Variants in STEAP1B observed in about 807,000 individuals in gnomAD.
STEAP1B encodes STEAP family member 1B, also known as STEAP family protein MGC87042.
A neutral mutation model predicts 27.9 loss-of-function variants in STEAP1B; 13 were observed. The observed-to-expected ratio is 0.47, with a 90% CI of 0.30 to 0.74. The LOEUF (loss-of-function observed/expected upper bound fraction) is 0.74, where lower values mean the gene tolerates loss of function less well. Among genes scored for constraint, STEAP1B ranks in the 30% least tolerant of loss-of-function variants. STEAP1B has a pLI of 0.06. For synonymous variants in STEAP1B, 86 were observed against 107.1 expected (o/e 0.80, Z 1.22); for missense variants, 250 against 298.7 (o/e 0.84, Z 1.20).
At chr7:22,474,384 C>T (rs112029095) in intron 4 of STEAP1B, among the ~76,000 whole-genome samples, 1,877 of 152,200 alleles carry the variant, frequency 0.012, 14 homozygotes, top group Middle Eastern at 0.031. Context: ...GAGATATGGC[C>T]GGGACATTCT....
intron 4 of STEAP1B, among the ~76,000 whole-genome samples, chr7:22,447,084 T>G (rs1326174500): frequency 6.6e-6 from 1 of 152,226 alleles, no homozygotes; most frequent in African/African-American, 2.4e-5. Flanking sequence ...TGAGCACTCT[T>G]GATGTTAAAG....
rs754922991 is a variant in STEAP1B, at chr7:22,419,801, C to A, written c.*3G>T. The A allele has an allele frequency of 3.2e-5, 49 of 1,549,676 alleles. No homozygotes were observed. The highest frequency in any genetic ancestry group is 4.1e-5 in the African/African-American group (3 of 72,958). ...TTTCCTCTCATGTTACTGGCAGGAT[C>A]TGTCACAAGGTCAGGAAGTTGATCC... On this transcript the variant is annotated 3_prime_UTR_variant, in exon 5 of 5. Transcript: ENST00000678116.
chr7:22,491,753 A>G (rs1172411066), intron 4 of STEAP1B, among the ~76,000 whole-genome samples: 2 of 152,174 alleles, frequency 1.3e-5, no homozygotes, highest in Non-Finnish European at 2.9e-5. Context: ...AATGCCAGGT[A>G]AGGACTAAGG....
Position 22,493,815 on chromosome 7 carries a change from T to G in STEAP1B, c.106A>C (p.Ser36Arg). The G allele has an allele frequency of 6.2e-7, 1 of 1,611,714 alleles. No homozygotes were observed. Among genetic ancestry groups the G allele is most frequent in the South Asian group, 1.1e-5 (1 of 90,998 alleles). ...AAAAGCACAGGTCTTTTTAGCATGC[T>G]GGTCTCTCCCGTGTCCTCATGCTAC... ...DYLHEDTGET[S>R]MLKRPVLLHL... is the part of the protein sequence containing the mutation. The change falls in exon 3 of 5, where the codon AGC becomes CGC. Residue 36 changes from serine to arginine, a missense_variant. Physicochemically the swap from Ser to Arg is moderately radical, Grantham distance 110. Coordinates refer to ENST00000678116, the MANE Select transcript of STEAP1B (RefSeq NM_001382447.1).
In STEAP1B at chr7:22,492,527, A is replaced by G. The variant is rs759098941; in HGVS notation, c.762+38T>C. The G allele has an allele frequency of 2.6e-6, 4 of 1,530,534 alleles. No homozygotes were observed. In the Admixed American group the frequency reaches 6.4e-5, roughly 25 times the overall value. The allele number at this position is 1,530,534 out of a possible 1,614,324, so 94.8% of individuals were successfully genotyped here. ...TATTCTATATCATAAACACAAAAAG[A>G]AGATTTACCTCTTAGGGTTATTTTA... is the stretch of plus-strand genomic sequence containing the variant. On this transcript the variant is annotated intron_variant, in intron 4 of 4. Transcript: ENST00000678116.
At chr7:22,487,704 T>TGAGGCAGGGGAAATCACTTGAACCTGG (rs1786236602) in intron 4 of STEAP1B, among the ~76,000 whole-genome samples, 1 of 148,528 alleles carries the variant, frequency 6.7e-6, no homozygotes, top group African/African-American at 2.5e-5. Context: ...CTCTGGAGGC[T>TGAGGCAGGGGAAATCACTTGAACCTGG]GAGGCAGGGG....
intron 4 of STEAP1B, among the ~76,000 whole-genome samples, chr7:22,466,964 G>C (rs1785795780): frequency 6.6e-6 from 1 of 152,240 alleles, no homozygotes; most frequent in Admixed American, 6.5e-5. Context: ...CAGGGCTGCT[G>C]TAAGTACTAT....
chr7:22,442,870 A>G (rs1325016085), intron 4 of STEAP1B, among the ~76,000 whole-genome samples: 2 of 152,176 alleles, frequency 1.3e-5, no homozygotes, highest in African/African-American at 2.4e-5. Flanking sequence ...TGCCCCCTGG[A>G]TGGAAGGAAC....
intron 4 of STEAP1B, among the ~76,000 whole-genome samples, chr7:22,428,727 C>A (rs1055488276): frequency 6.6e-6 from 1 of 151,902 alleles, no homozygotes; most frequent in Non-Finnish European, 1.5e-5. Context: ...CACTTAAACT[C>A]GGGAGGGGGA....
chr7:22,442,896 ATCACTT>A (rs1785355465), intron 4 of STEAP1B, among the ~76,000 whole-genome samples: 1 of 152,164 alleles, frequency 6.6e-6, no homozygotes, highest in Non-Finnish European at 1.5e-5. Context: ...ATGAGAAGAC[ATCACTT>A]GGAGAAGAAA....
intron 4 of STEAP1B, among the ~76,000 whole-genome samples, chr7:22,471,748 T>C (rs1450881234): frequency 2.0e-5 from 3 of 151,918 alleles, no homozygotes; most frequent in Non-Finnish European, 4.4e-5. Flanking sequence ...CAAAATATTT[T>C]AAAAGTTAGC....
In STEAP1B at chr7:22,463,353, T is replaced by C. The variant is rs184249718; in HGVS notation, c.762+29212A>G. On this transcript the variant is annotated intron_variant, in intron 4 of 4. Transcript: ENST00000678116. ...ATTCCATGCTCATGGGTAGGAAGAA[T>C]CAATATCATGAAAATGGCCATACTG... is the stretch of plus-strand genomic sequence containing the variant. 2.0e-5 allele frequency among the ~76,000 whole-genome samples: 3 copies of C among 152,112 alleles called. No homozygotes were observed. The East Asian group carries it at 5.8e-4, about 29-fold the overall frequency.
Position 22,466,489 on chromosome 7 carries a change from T to C in STEAP1B, c.762+26076A>G, listed in dbSNP as rs1785786163. Among the ~76,000 whole-genome samples, 4 of 151,946 alleles carry C rather than the reference T, an allele frequency of 2.6e-5. 1 individual carries two copies. In the South Asian group the frequency reaches 8.3e-4, roughly 32 times the overall value. On this transcript the variant is annotated intron_variant, in intron 4 of 4. Transcript: ENST00000678116. ...TGTGATGAGGCAGCAAGAGAGGGGC[T>C]GTGTACAAGCCTGGAACAGATTCTT...
intron 4 of STEAP1B, among the ~76,000 whole-genome samples, chr7:22,446,334 C>A (rs540518197): frequency 2.6e-5 from 4 of 152,220 alleles, no homozygotes; most frequent in Non-Finnish European, 5.9e-5. Context: ...GACAGGACTG[C>A]GCTTTGCAAG....
intron 4 of STEAP1B, among the ~76,000 whole-genome samples, chr7:22,473,575 C>A (rs146678990): frequency 2.0e-5 from 3 of 152,186 alleles, no homozygotes; most frequent in African/African-American, 7.2e-5. Context: ...TTAGGAGACA[C>A]GTTGAGTTTT....
chr7:22,480,864 C>T (rs1036982206), intron 4 of STEAP1B, among the ~76,000 whole-genome samples: 8 of 152,202 alleles, frequency 5.3e-5, no homozygotes, highest in African/African-American at 1.9e-4. Flanking sequence ...AAGCCCCATA[C>T]TCAAGAAACA....
chr7:22,438,314 G>A (rs753795800), intron 4 of STEAP1B: 26 of 738,130 alleles, frequency 3.5e-5, no homozygotes, highest in Admixed American at 6.1e-5. Context: ...GCAGTTTTTC[G>A]CACTTGTCCC....
intron 1 of STEAP1B, chr7:22,495,554 T>C (rs1166688759): frequency 2.0e-5 from 3 of 152,222 alleles, no homozygotes; most frequent in African/African-American, 7.2e-5. Flanking sequence ...CAGATCCTCA[T>C]CCAGGATTGG....
intron 4 of STEAP1B, among the ~76,000 whole-genome samples, chr7:22,489,815 G>T (rs1345545939): frequency 6.6e-6 from 1 of 152,210 alleles, no homozygotes; most frequent in African/African-American, 2.4e-5. Flanking sequence ...TTGGTAGCTT[G>T]ATGGGAATGT....
Sources: gnomAD v4.1 joint callset for allele counts (sites outside exome capture counted in the v4.1 genomes callset) on GRCh38, gnomAD v4.1.1 for gene constraint, MANE v1.5 for transcripts, NCBI Gene and HGNC (gene_info 2026-07-23, HGNC 2026-07-21) for gene names.